Variants in OSGEPL1 observed in about 807,000 individuals in gnomAD.
OSGEPL1 encodes the protein tRNA N6-adenosine threonylcarbamoyltransferase, mitochondrial.
Under a neutral mutation model 37.2 loss-of-function variants are expected in OSGEPL1, and 26 were observed. The observed-to-expected ratio is 0.70, with a 90% CI of 0.51 to 0.97. The LOEUF (loss-of-function observed/expected upper bound fraction) is 0.97, where lower values mean the gene tolerates loss of function less well. Ranked by LOEUF, OSGEPL1 falls within the 50% of genes least tolerant of loss-of-function variation. The probability of loss-of-function intolerance (pLI) is 0.00; values close to 1 mark genes in which losing one functional copy is unlikely to be tolerated. For missense variants in OSGEPL1, 404 were observed against 487.0 expected (o/e 0.83, Z 1.60); for synonymous variants, 140 against 159.9 (o/e 0.88, Z 0.94).
In OSGEPL1 at chr2:189,752,637, G is replaced by C; in HGVS notation, c.1166+16C>G. 1 of 1,612,952 alleles carries C rather than the reference G, an allele frequency of 6.2e-7. No homozygotes were observed. On this transcript the variant is annotated intron_variant, in intron 7 of 8. Transcript: ENST00000264151. ...GTAATGTAACTTGCATAAAGATCATGAATGATACCACATACTTTGGTTCAT... is the reference window on the plus strand; with the variant it reads ...GTAATGTAACTTGCATAAAGATCATCAATGATACCACATACTTTGGTTCAT...
intron 2 of OSGEPL1, among the ~76,000 whole-genome samples, chr2:189,760,366 C>A (rs1056523525): frequency 6.6e-6 from 1 of 151,902 alleles, no homozygotes; most frequent in Non-Finnish European, 1.5e-5. Context: ...TAAGACGGGG[C>A]GGCTGCCGGG....
Position 189,753,099 on chromosome 2 carries a change from T to A in OSGEPL1, c.964-120A>T, listed in dbSNP as rs956624696. The A allele has an allele frequency of 1.3e-5, 11 of 869,892 alleles. No individual in the cohort carries two copies. In the African/African-American group the frequency reaches 1.9e-4, roughly 15 times the overall value. The allele number at this position is 869,892 out of a possible 1,614,324, so 53.9% of individuals were successfully genotyped here. ...ATAAACTATCCCATTTTGAGATGGG[T>A]AATGGGCAGATGACATATCTATGTA... On this transcript the variant is annotated intron_variant, in intron 5 of 8. Coordinates refer to ENST00000264151, the MANE Select transcript of OSGEPL1 (RefSeq NM_022353.3).
In OSGEPL1 at chr2:189,750,571, G is replaced by C; in HGVS notation, c.*7C>G. On this transcript the variant is annotated 3_prime_UTR_variant, in exon 8 of 9. Transcript: ENST00000264151. ...CTACCTTTAGGGACTTTTTTGAACA[G>C]CAGAAATCATATCTCCATTTTTAAT... The C allele has an allele frequency of 6.6e-7, 1 of 1,512,074 alleles. No individual in the cohort carries two copies. Among genetic ancestry groups the C allele is most frequent in the Non-Finnish European group, 9.1e-7 (1 of 1,101,246 alleles). The allele number at this position is 1,512,074 out of a possible 1,614,324, so 93.7% of individuals were successfully genotyped here. A position where few individuals can be genotyped will look rare whatever the true frequency, so the allele number is the denominator to read the frequency against.
chr2:189,748,096 G>T (rs368341063), intron 8 of OSGEPL1, among the ~76,000 whole-genome samples: 9 of 152,148 alleles, frequency 5.9e-5, no homozygotes, highest in African/African-American at 1.7e-4. Context: ...AGTAAGCATT[G>T]AAAGTATATA....
In OSGEPL1 at chr2:189,746,797, T is replaced by A; in HGVS notation, c.*400A>T. On this transcript the variant is annotated 3_prime_UTR_variant, in exon 9 of 9. Coordinates refer to ENST00000264151, the MANE Select transcript of OSGEPL1 (RefSeq NM_022353.3). ...ATGTCTACAGGAATTTAGTGTCAGG[T>A]CAGAGTTATGGTTTCAAAAAATTAG... The A allele has an allele frequency of 2.7e-6, 2 of 733,382 alleles. No homozygotes were observed. Among genetic ancestry groups the A allele is most frequent in the Non-Finnish European group, 4.0e-6 (2 of 495,724 alleles). The allele number at this position is 733,382 out of a possible 1,614,324, so 45.4% of individuals were successfully genotyped here.
intron 7 of OSGEPL1, among the ~76,000 whole-genome samples, 198 bp from the exon 8 acceptor site, chr2:189,750,854 T>C (rs920226134): frequency 2.0e-5 from 3 of 152,188 alleles, no homozygotes; most frequent in Non-Finnish European, 4.4e-5. Context: ...TAATAAGAAA[T>C]CTAAATTTTG....
rs141013296 is a variant in OSGEPL1, at chr2:189,754,380, T to C, written c.610-35A>G. ...AAACATATTTTTTAGAGTCATAAAA[T>C]TAAATACTGTGAAACGAAAAGATGC... On this transcript the variant is annotated intron_variant, in intron 3 of 8. Coordinates refer to ENST00000264151, the MANE Select transcript of OSGEPL1 (RefSeq NM_022353.3). The C allele has an allele frequency of 6.2e-5, 95 of 1,530,606 alleles. No individual in the cohort carries two copies. In the African/African-American group the frequency reaches 1.2e-3, roughly 19 times the overall value. 94.8% of individuals were successfully genotyped at this position (1,530,606 alleles called of 1,614,324 possible).
rs2045691911 is a variant in OSGEPL1, at chr2:189,754,067, G to A, written c.815-3C>T. 2 of 1,612,158 alleles carry A rather than the reference G, an allele frequency of 1.2e-6. No individual in the cohort carries two copies. Among genetic ancestry groups the A allele is most frequent in the East Asian group, 2.2e-5 (1 of 44,860 alleles). ...CAGGATTTGCCCCTTCTCAATACCT[G>A]CAGAAATGAGCAGCTATTTTTAGGC... On this transcript the variant is annotated splice_polypyrimidine_tract_variant and splice_region_variant and intron_variant, in intron 4 of 8. Coordinates refer to ENST00000264151, the MANE Select transcript of OSGEPL1 (RefSeq NM_022353.3).
At chr2:189,760,786 T>C (rs6748102) in intron 2 of OSGEPL1, among the ~76,000 whole-genome samples, 15,915 of 150,940 alleles carry the variant, frequency 0.11, 980 homozygotes, top group Middle Eastern at 0.16. Flanking sequence ...TGAGACTCTG[T>C]CTCACCAAAA....
intron 8 of OSGEPL1, among the ~76,000 whole-genome samples, chr2:189,747,872 G>A (rs2044397661): frequency 6.6e-6 from 1 of 152,124 alleles, no homozygotes; most frequent in Non-Finnish European, 1.5e-5. Flanking sequence ...TTTTAGTAGA[G>A]ATGAGGTTTC....
intron 8 of OSGEPL1, among the ~76,000 whole-genome samples, chr2:189,749,201 G>A (rs991323868): frequency 2.1e-5 from 3 of 139,984 alleles, no homozygotes; most frequent in African/African-American, 5.4e-5. Flanking sequence ...AGCCGAGATC[G>A]AGCCATTGCA....
chr2:189,758,357 G>A (rs898582435), intron 2 of OSGEPL1, among the ~76,000 whole-genome samples: 2 of 151,938 alleles, frequency 1.3e-5, no homozygotes, highest in African/African-American at 4.8e-5. Context: ...CTCTGGTCTG[G>A]GCAACAAGAG....
intron 5 of OSGEPL1, among the ~76,000 whole-genome samples, chr2:189,753,558 T>C (rs1313779081): frequency 1.3e-5 from 2 of 151,930 alleles, no homozygotes; most frequent in Admixed American, 6.6e-5. Context: ...GACTGGCTTA[T>C]TAAAAAAACA....
At position 189,752,738 on chromosome 2, in the gene OSGEPL1, A is replaced by G. The variant is rs1214579578; in HGVS notation, c.1095-14T>C. On this transcript the variant is annotated splice_polypyrimidine_tract_variant and intron_variant, in intron 6 of 8. Coordinates refer to ENST00000264151, the MANE Select transcript of OSGEPL1 (RefSeq NM_022353.3). ...TCAATACCATTCCTAAATAAGAAGC[A>G]TTAAAATAAAATCAATAGCTCCAAG... 1.2e-6 allele frequency: 2 copies of G among 1,613,950 alleles called. No individual in the cohort carries two copies. Among genetic ancestry groups the G allele is most frequent in the East Asian group, 2.2e-5 (1 of 44,878 alleles).
intron 2 of OSGEPL1, among the ~76,000 whole-genome samples, chr2:189,758,091 TA>T (rs1282528016): frequency 6.6e-6 from 1 of 152,098 alleles, no homozygotes; most frequent in Non-Finnish European, 1.5e-5. Context: ...TCTTGTTGTT[TA>T]AAAGTGTGGG....
chr2:189,747,778 T>C (rs2044379831), intron 8 of OSGEPL1, among the ~76,000 whole-genome samples: 1 of 152,276 alleles, frequency 6.6e-6, no homozygotes, highest in Non-Finnish European at 1.5e-5. Context: ...CTCCGCCTCC[T>C]GGGTTCAGGC....
At chr2:189,762,594 C>T in intron 1 of OSGEPL1, 91 bp downstream of exon 1, 1 of 985,444 alleles carries the variant, frequency 1.0e-6, no homozygotes, top group Non-Finnish European at 1.2e-6. Context: ...GGTCTCCTGT[C>T]GGCTGTAAGG....
At position 189,754,324 on chromosome 2, in the gene OSGEPL1, T is replaced by G; in HGVS notation, c.631A>C (p.Ile211Leu). 1 of 1,607,520 alleles carries G rather than the reference T, an allele frequency of 6.2e-7. No homozygotes were observed. The highest frequency in any genetic ancestry group is 1.1e-5 in the South Asian group (1 of 89,304). The change falls in exon 4 of 9, where the codon ATA (isoleucine) becomes CTA (leucine). Residue 211 changes from isoleucine (I) to leucine (L), a missense_variant. Coordinates refer to ENST00000264151, the MANE Select transcript of OSGEPL1 (RefSeq NM_022353.3). Reference protein sequence around the residue: ...LDKVARRLSLIKHPECSTMSG... With the variant: ...LDKVARRLSLLKHPECSTMSG... ...ATGGTGGAGCACTCTGGATGTTTTATTAAAGAAAGTCTTCTTGCCACCTAT... is the reference window on the plus strand; with the variant it reads ...ATGGTGGAGCACTCTGGATGTTTTAGTAAAGAAAGTCTTCTTGCCACCTAT...
At chr2:189,755,091 G>T in intron 3 of OSGEPL1, 82 bp downstream of exon 3, 1 of 1,477,700 alleles carries the variant, frequency 6.8e-7, no homozygotes, top group South Asian at 1.3e-5. Flanking sequence ...ATATTTAGGT[G>T]AATGGTGGTA....
Sources: gnomAD v4.1 joint callset for allele counts (sites outside exome capture counted in the v4.1 genomes callset) on GRCh38, gnomAD v4.1.1 for gene constraint, MANE v1.5 for transcripts, NCBI Gene and HGNC (gene_info 2026-07-23, HGNC 2026-07-21) for gene names.